The following CYP39A1 variants were observed in gnomAD, a reference collection of about 807,000 sequenced individuals.
CYP39A1 encodes cytochrome P450 family 39 subfamily A member 1, also known as 24-hydroxycholesterol 7-alpha-hydroxylase.
In CYP39A1, 49 loss-of-function variants were observed where a neutral mutation model predicts 58.1. The ratio of observed to expected loss-of-function variants is 0.84; its 90% CI spans 0.67 to 1.07. The LOEUF (loss-of-function observed/expected upper bound fraction) is 1.07. CYP39A1 is among the 50% of genes least tolerant of loss of function. The pLI, the probability that CYP39A1 is intolerant of heterozygous loss-of-function variation, is 0.00. For synonymous variants in CYP39A1, 209 were observed against 187.6 expected (o/e 1.11, Z -0.93); for missense variants, 531 against 539.4 (o/e 0.98, Z 0.16).
chr6:46,578,887 T>C (rs1414955470), intron 10 of CYP39A1, among the ~76,000 whole-genome samples: 4 of 152,022 alleles, frequency 2.6e-5, no homozygotes, highest in Non-Finnish European at 4.4e-5. Flanking sequence ...GAAGAGCTGG[T>C]ACCAATCTTG....
chr6:46,593,749 C>T (rs1030741443), intron 8 of CYP39A1, among the ~76,000 whole-genome samples: 1 of 151,992 alleles, frequency 6.6e-6, no homozygotes, highest in African/African-American at 2.4e-5. Context: ...AATGCAGGCC[C>T]TAAGTCAAAT....
intron 1 of CYP39A1, among the ~76,000 whole-genome samples, chr6:46,647,838 A>G (rs1377459012): frequency 1.3e-5 from 2 of 152,206 alleles, no homozygotes; most frequent in East Asian, 1.9e-4. Flanking sequence ...TTTTTCTTGT[A>G]AATTTGTTTG....
At chr6:46,581,816 T>C (rs763681586) in intron 10 of CYP39A1, among the ~76,000 whole-genome samples, 1 of 152,234 alleles carries the variant, frequency 6.6e-6, no homozygotes, top group Non-Finnish European at 1.5e-5. Flanking sequence ...CACTCTTGAA[T>C]TGCTGTTTCT....
intron 10 of CYP39A1, among the ~76,000 whole-genome samples, chr6:46,566,634 G>A (rs1405186165): frequency 6.6e-6 from 1 of 152,002 alleles, no homozygotes; most frequent in East Asian, 1.9e-4. Context: ...AGATTTGGGT[G>A]GGGACACAAA....
intron 7 of CYP39A1, among the ~76,000 whole-genome samples, chr6:46,598,665 G>C (rs2150528160): frequency 6.6e-6 from 1 of 152,218 alleles, no homozygotes; most frequent in South Asian, 2.1e-4. Context: ...AAATCAAATA[G>C]ACAAATGTTT....
chr6:46,611,314 A>G (rs765171353), intron 7 of CYP39A1, among the ~76,000 whole-genome samples: 32 of 152,248 alleles, frequency 2.1e-4, no homozygotes, highest in Non-Finnish European at 3.1e-4. Context: ...TTTGACATTC[A>G]TAACAATAGG....
At chr6:46,648,082 A>G (rs1429342222) in intron 1 of CYP39A1, among the ~76,000 whole-genome samples, 1 of 152,168 alleles carries the variant, frequency 6.6e-6, no homozygotes, top group Non-Finnish European at 1.5e-5. Context: ...AACTAGTTCA[A>G]CCATTGTGGA....
At chr6:46,593,247 T>G (rs1772949849) in intron 8 of CYP39A1, among the ~76,000 whole-genome samples, 1 of 152,110 alleles carries the variant, frequency 6.6e-6, no homozygotes, top group Non-Finnish European at 1.5e-5. Flanking sequence ...AGAGTATACA[T>G]CTGTGTGCAT....
chr6:46,573,938 C>T (rs1771722613), intron 10 of CYP39A1, among the ~76,000 whole-genome samples: 1 of 152,118 alleles, frequency 6.6e-6, no homozygotes, highest in Non-Finnish European at 1.5e-5. Flanking sequence ...AAAACTCTTG[C>T]TTTTAAGGGA....
Position 46,637,605 on chromosome 6 carries a change from G to A in CYP39A1, c.638+224C>T, listed in dbSNP as rs16874910. Reference sequence around the variant, plus strand: ...CTCAAAATAAATTCTTAATCCCATCGATCTCTTTCTCTCTTTTGTTTTTGT... The same window carrying A: ...CTCAAAATAAATTCTTAATCCCATCAATCTCTTTCTCTCTTTTGTTTTTGT... On this transcript the variant is annotated intron_variant, in intron 4 of 11. Coordinates refer to ENST00000275016, the MANE Select transcript of CYP39A1 (RefSeq NM_016593.5). 7.0e-3 allele frequency among the ~76,000 whole-genome samples: 1,060 copies of A among 152,258 alleles called. 15 individuals are homozygous for A. Among genetic ancestry groups the A allele is most frequent in the African/African-American group, 0.024 (991 of 41,542 alleles).
chr6:46,602,299 T>C (rs770413407), intron 7 of CYP39A1, among the ~76,000 whole-genome samples: 3 of 152,090 alleles, frequency 2.0e-5, no homozygotes, highest in Non-Finnish European at 4.4e-5. Context: ...GTAAAAATCT[T>C]TAAGTAAAAA....
At chr6:46,639,349 T>G (rs1776185511) in intron 3 of CYP39A1, 145 bp downstream of exon 3, 1 of 754,256 alleles carries the variant, frequency 1.3e-6, no homozygotes. Context: ...AAAAAATAAT[T>G]TAAAAGATTA....
intron 11 of CYP39A1, among the ~76,000 whole-genome samples, chr6:46,551,730 A>G (rs1322604201): frequency 6.6e-6 from 1 of 152,110 alleles, no homozygotes; most frequent in Admixed American, 6.6e-5. Flanking sequence ...TTTCCCCTGC[A>G]CCTGACAACA....
chr6:46,618,792 C>T (rs1218825867), intron 7 of CYP39A1, among the ~76,000 whole-genome samples: 1 of 151,750 alleles, frequency 6.6e-6, no homozygotes, highest in Non-Finnish European at 1.5e-5. Flanking sequence ...AAACAGAAAA[C>T]CTTCCTGGCT....
chr6:46,564,144 TA>T (rs1771146705), intron 10 of CYP39A1, among the ~76,000 whole-genome samples: 1 of 98,362 alleles, frequency 1.0e-5, no homozygotes, highest in African/African-American at 5.6e-5. Flanking sequence ...TATTCTATTC[TA>T]TTTTATTCTA....
intron 8 of CYP39A1, among the ~76,000 whole-genome samples, chr6:46,591,167 A>G (rs1379402132): frequency 6.6e-6 from 1 of 152,060 alleles, no homozygotes; most frequent in Non-Finnish European, 1.5e-5. Context: ...AACATTTCTA[A>G]TGGTTGTTTT....
intron 3 of CYP39A1, 141 bp from the exon 4 acceptor site, chr6:46,638,119 TAAG>T: frequency 2.5e-6 from 2 of 816,304 alleles, no homozygotes; most frequent in Non-Finnish European, 3.6e-6. Context: ...AAGTCACTCT[TAAG>T]AAGTTTTGAT....
chr6:46,582,515 G>A (rs1311039744), intron 10 of CYP39A1, among the ~76,000 whole-genome samples: 1 of 152,024 alleles, frequency 6.6e-6, no homozygotes, highest in Non-Finnish European at 1.5e-5. Flanking sequence ...TTCCCTTGAA[G>A]TTTGATACTG....
At chr6:46,629,150 G>A (rs567484547) in intron 6 of CYP39A1, among the ~76,000 whole-genome samples, 1 of 152,276 alleles carries the variant, frequency 6.6e-6, no homozygotes, top group South Asian at 2.1e-4. Context: ...GCCAACAAGA[G>A]CCAGTGAGAT....
Sources: allele counts gnomAD v4.1 joint callset (sites outside exome capture counted in the v4.1 genomes callset), GRCh38; gene constraint gnomAD v4.1.1; transcripts MANE v1.5; gene names NCBI Gene and HGNC (gene_info 2026-07-23, HGNC 2026-07-21).